ANO1: variants seen among roughly 807,000 people sequenced by gnomAD.
ANO1 encodes the protein anoctamin 1.
ANO1 carries 59 observed loss-of-function variants against 124.0 expected under a neutral mutation model. That is an observed-to-expected ratio of 0.48 (90% CI 0.39 to 0.59). The LOEUF (loss-of-function observed/expected upper bound fraction) is 0.59, where lower values mean the gene tolerates loss of function less well. Among genes scored for constraint, ANO1 ranks in the 20% least tolerant of loss-of-function variants. The pLI, the probability that ANO1 is intolerant of heterozygous loss-of-function variation, is 0.00. For missense variants in ANO1, 1,059 were observed against 1,328.0 expected, an observed-to-expected ratio of 0.80 and a Z score of 3.15; for synonymous variants, 529 against 532.0, an observed-to-expected ratio of 0.99 and a Z score of 0.08.
chr11:70,059,469 G>C (rs1189149521), intron 1 of ANO1, among the ~76,000 whole-genome samples: 1 of 152,032 alleles, frequency 6.6e-6, no homozygotes, highest in Admixed American at 6.5e-5. Context: ...TTTGGAGCTA[G>C]TGGGAAAGGC....
chr11:70,104,913 G>A (rs531418468), intron 4 of ANO1, among the ~76,000 whole-genome samples: 52 of 152,208 alleles, frequency 3.4e-4, no homozygotes, highest in African/African-American at 1.2e-3. Flanking sequence ...ATGTAGTAGG[G>A]GTGGAGCCAT....
At chr11:70,027,994 C>T (rs1268407644) in intron 1 of ANO1, among the ~76,000 whole-genome samples, 1 of 152,166 alleles carries the variant, frequency 6.6e-6, no homozygotes, top group Non-Finnish European at 1.5e-5. Flanking sequence ...AATTAAAGTA[C>T]ACCCGTGGGT....
intron 1 of ANO1, among the ~76,000 whole-genome samples, chr11:70,010,134 G>GGTGTGTGTGTGT (rs34598701): frequency 3.7e-5 from 3 of 81,842 alleles, no homozygotes; most frequent in Admixed American, 1.3e-4. Context: ...AGTATTCCAT[G>GGTGTGTGTGTGT]GTGTGTGTGT....
In ANO1 at chr11:70,185,686, C is replaced by T. The variant is rs1328592177; in HGVS notation, c.2685C>T (p.Ile895=). 4 of 1,613,842 alleles carry T rather than the reference C, an allele frequency of 2.5e-6. No homozygotes were observed. The highest frequency in any genetic ancestry group is 4.5e-5 in the East Asian group (2 of 44,876). The change falls in exon 25 of 26, where the codon ATC becomes ATT. Residue 895 remains isoleucine, a synonymous_variant. Coordinates refer to ENST00000355303, the MANE Select transcript of ANO1 (RefSeq NM_018043.7). Reference sequence around the variant, plus strand: ...TGGCAGCCCGGCTGGCGTTTGTCATCGTCTTCCAGGTGCGGTGGGTCCCTC... The same window carrying T: ...TGGCAGCCCGGCTGGCGTTTGTCATTGTCTTCCAGGTGCGGTGGGTCCCTC... ...AVLAARLAFV[I]VFQNLVMFMS... is the part of the protein sequence containing the mutation.
chr11:70,151,894 G>A (rs2047615363), intron 12 of ANO1, among the ~76,000 whole-genome samples: 1 of 152,076 alleles, frequency 6.6e-6, no homozygotes, highest in African/African-American at 2.4e-5. Flanking sequence ...GGAAATTTGG[G>A]GAATTTCCAA....
chr11:70,080,395 G>C (rs901879087), intron 1 of ANO1, among the ~76,000 whole-genome samples: 2 of 152,214 alleles, frequency 1.3e-5, no homozygotes, highest in Admixed American at 1.3e-4. Context: ...AATGGGTAGG[G>C]ACTGAGTCTT....
Position 70,057,434 on chromosome 11 carries a change from TTGTG to T in ANO1, c.59-21087_59-21084del, listed in dbSNP as rs142366013. 4.7e-5 allele frequency among the ~76,000 whole-genome samples: 7 copies of T among 149,922 alleles called. No homozygotes were observed. The South Asian group carries it at 6.4e-4, about 14-fold the overall frequency. On this transcript the variant is annotated intron_variant, in intron 1 of 27. Transcript: ENST00000531349. ...CCTTAGAGTACCCTGAACTCCAATT[TTGTG>T]TGTGTGTGTGTGTGTGTGTGATGTG...
At chr11:70,112,456 G>A (rs550465305) in intron 7 of ANO1, among the ~76,000 whole-genome samples, 3 of 152,214 alleles carry the variant, frequency 2.0e-5, no homozygotes, top group South Asian at 2.1e-4. Flanking sequence ...CTGCTCCTCC[G>A]CCTTGAGTGG....
intron 1 of ANO1, among the ~76,000 whole-genome samples, chr11:69,995,525 C>T (rs1856252655): frequency 6.6e-6 from 1 of 152,140 alleles, no homozygotes; most frequent in Non-Finnish European, 1.5e-5. Context: ...TCTTTAGGCT[C>T]CTCTTGGCCA....
At chr11:70,136,401 T>C (rs996424288) in intron 11 of ANO1, among the ~76,000 whole-genome samples, 5 of 152,330 alleles carry the variant, frequency 3.3e-5, no homozygotes, top group East Asian at 3.9e-4. Flanking sequence ...TAGGTGCCCA[T>C]GACCCTGAGA....
chr11:70,128,210 C>T (rs905581747), intron 10 of ANO1, among the ~76,000 whole-genome samples: 2 of 148,854 alleles, frequency 1.3e-5, no homozygotes, highest in Admixed American at 1.3e-4. Flanking sequence ...GCTTATCTCC[C>T]TTTTGGTGTT....
At chr11:70,092,327 A>G (rs10751097) in intron 2 of ANO1, among the ~76,000 whole-genome samples, 85,386 of 151,948 alleles carry the variant, frequency 0.56, 24,196 homozygotes, top group East Asian at 0.71. Flanking sequence ...ACTTGAACAT[A>G]TCTTTGTAGG....
At chr11:70,105,998 G>A (rs375803105) in intron 5 of ANO1, among the ~76,000 whole-genome samples, 2 of 152,168 alleles carry the variant, frequency 1.3e-5, no homozygotes, top group African/African-American at 4.8e-5. Context: ...AAGGGAATCA[G>A]CACAGAGCTT....
At chr11:70,118,205 TC>T (rs2046072430) in intron 8 of ANO1, among the ~76,000 whole-genome samples, 1 of 136,366 alleles carries the variant, frequency 7.3e-6, no homozygotes, top group Non-Finnish European at 1.6e-5. Flanking sequence ...TTCCCCCTCC[TC>T]CCCCTCCTCC....
At chr11:70,061,639 G>A (rs145201990) in intron 1 of ANO1, among the ~76,000 whole-genome samples, 137 of 152,238 alleles carry the variant, frequency 9.0e-4, no homozygotes, top group Non-Finnish European at 1.7e-3. Context: ...TATAGCAGCT[G>A]AGTTTCTCTG....
At chr11:70,185,828 C>A in intron 25 of ANO1, 133 bp downstream of exon 25, 1 of 988,990 alleles carries the variant, frequency 1.0e-6, no homozygotes, top group East Asian at 2.6e-5. Context: ...GGAGAACTTG[C>A]TCTGGGACAC....
chr11:70,128,425 TG>T (rs2046611144), intron 10 of ANO1, among the ~76,000 whole-genome samples: 1 of 152,178 alleles, frequency 6.6e-6, no homozygotes, highest in African/African-American at 2.4e-5. Flanking sequence ...GGAGGAAGCC[TG>T]GGGGACCTCC....
chr11:69,967,752 G>T, the ANO1 span, among the ~76,000 whole-genome samples: 2 of 152,338 alleles, frequency 1.3e-5, no homozygotes, highest in African/African-American at 4.8e-5. Flanking sequence ...TGAGGGCTGT[G>T]AGTAACCCTG....
At chr11:70,082,159 C>A (rs2044220287) in intron 1 of ANO1, among the ~76,000 whole-genome samples, 1 of 152,218 alleles carries the variant, frequency 6.6e-6, no homozygotes, top group South Asian at 2.1e-4. Context: ...ATCTGATGGC[C>A]ACAGCCAGCC....
Sources: gnomAD v4.1 joint callset for allele counts (sites outside exome capture counted in the v4.1 genomes callset) on GRCh38, gnomAD v4.1.1 for gene constraint, MANE v1.5 for transcripts, NCBI Gene and HGNC (gene_info 2026-07-23, HGNC 2026-07-21) for gene names.